HMGXB3: variants seen among roughly 807,000 people sequenced by gnomAD.
HMGXB3 encodes HMG-box containing 3.
In HMGXB3, 45 loss-of-function variants were observed where a neutral mutation model predicts 121.5. The observed-to-expected ratio is 0.37, with a 90% CI of 0.29 to 0.47. The LOEUF (loss-of-function observed/expected upper bound fraction) is 0.47. Among genes scored for constraint, HMGXB3 ranks in the 20% least tolerant of loss-of-function variants. The pLI, the probability that HMGXB3 is intolerant of heterozygous loss-of-function variation, is 0.99. For missense variants in HMGXB3, 1,376 were observed against 1,602.2 expected, an observed-to-expected ratio of 0.86 and a Z score of 2.41; for synonymous variants, 590 against 624.1, an observed-to-expected ratio of 0.95 and a Z score of 0.81.
At chr5:150,015,371 C>T (rs1018975831) in intron 5 of HMGXB3, among the ~76,000 whole-genome samples, 3 of 152,196 alleles carry the variant, frequency 2.0e-5, no homozygotes, top group Non-Finnish European at 4.4e-5. Context: ...TCACTGCATC[C>T]TTGACTTCCT....
chr5:150,038,661 T>C (rs1756554312), intron 13 of HMGXB3, among the ~76,000 whole-genome samples: 1 of 152,242 alleles, frequency 6.6e-6, no homozygotes, highest in African/African-American at 2.4e-5. Flanking sequence ...ATCCATATAG[T>C]GTTCTCTTTC....
At chr5:150,019,172 T>G (rs1264106968) in intron 6 of HMGXB3, among the ~76,000 whole-genome samples, 2 of 152,220 alleles carry the variant, frequency 1.3e-5, no homozygotes, top group Non-Finnish European at 2.9e-5. Context: ...TTTTTTTAAT[T>G]TAACATATCA....
chr5:150,034,046 A>G (rs890294586), intron 11 of HMGXB3, among the ~76,000 whole-genome samples: 4 of 152,144 alleles, frequency 2.6e-5, no homozygotes, highest in African/African-American at 7.2e-5. Flanking sequence ...AGATCTGGGC[A>G]TTTTACTCTT....
intron 3 of HMGXB3, among the ~76,000 whole-genome samples, 177 bp downstream of exon 3, chr5:150,006,824 C>T (rs1186532492): frequency 1.3e-5 from 2 of 152,118 alleles, no homozygotes; most frequent in African/African-American, 2.4e-5. Context: ...CTCTCTTGTC[C>T]TCTTCGGTTG....
intron 1 of HMGXB3, among the ~76,000 whole-genome samples, chr5:150,002,013 GT>G (rs1755583636): frequency 6.6e-6 from 1 of 152,198 alleles, no homozygotes; most frequent in Admixed American, 6.5e-5. Context: ...ACCCAGCCAA[GT>G]TGTAGACTGT....
At chr5:150,042,202 A>G (rs1756651004) in intron 15 of HMGXB3, among the ~76,000 whole-genome samples, 2 of 152,254 alleles carry the variant, frequency 1.3e-5, no homozygotes, top group Non-Finnish European at 2.9e-5. Flanking sequence ...ATAAGTATCA[A>G]AAAATATATA....
rs780088179 is a variant in HMGXB3 at position 150,047,400 on chromosome 5, G to A, written c.2951-224G>A. On this transcript the variant is annotated intron_variant, in intron 16 of 19. Coordinates refer to ENST00000502717, the MANE Select transcript of HMGXB3 (RefSeq NM_014983.3). ...TTATTTTAGGGTTTTTTTCAGTGGC[G>A]GTATGCAGGATATCTCACTCAGATG... 280 of 515,408 alleles carry A rather than the reference G, an allele frequency of 5.4e-4. 1 individual carries two copies. The highest frequency in any genetic ancestry group is 5.9e-4 in the Admixed American group (17 of 29,046). 31.9% of individuals were successfully genotyped at this position (515,408 alleles called of 1,614,324 possible). A position where few individuals can be genotyped will look rare whatever the true frequency, so the allele number is the denominator to read the frequency against.
At chr5:150,037,072 A>G in intron 12 of HMGXB3, 135 bp downstream of exon 12, 1 of 815,910 alleles carries the variant, frequency 1.2e-6, no homozygotes, top group Non-Finnish European at 1.9e-6. Flanking sequence ...TAACTTTCTG[A>G]TTGCTGAAAG....
At chr5:150,003,329 G>C (rs918790776) in intron 1 of HMGXB3, among the ~76,000 whole-genome samples, 3 of 152,132 alleles carry the variant, frequency 2.0e-5, no homozygotes, top group Non-Finnish European at 2.9e-5. Flanking sequence ...ATGGATAGCA[G>C]TGTAGCATAA....
chr5:150,042,436 G>C (rs913223730), intron 15 of HMGXB3, among the ~76,000 whole-genome samples: 7 of 152,164 alleles, frequency 4.6e-5, no homozygotes, highest in East Asian at 1.9e-4. Context: ...GGGCAGTGAG[G>C]GGGGAAGGCC....
Position 150,051,879 on chromosome 5 carries a change from A to G in HMGXB3, c.3566A>G (p.His1189Arg). The G allele has an allele frequency of 1.3e-6, 2 of 1,550,996 alleles. No homozygotes were observed. Among genetic ancestry groups the G allele is most frequent in the Non-Finnish European group, 1.7e-6 (2 of 1,146,980 alleles). Reference protein sequence around the residue: ...PNPGDPSAGHHSLALCPELAP... With the variant: ...PNPGDPSAGHRSLALCPELAP... ...CCTGGTGACCCCAGTGCTGGGCACC[A>G]CTCCTTGGCCCTGTGCCCTGAATTG... is the stretch of plus-strand genomic sequence containing the variant. Residue 1189 changes from histidine (H) to arginine (R), a missense_variant, in exon 20 of 20, where the codon CAC becomes CGC. His to Arg is a conservative substitution (Grantham distance 29, BLOSUM62 0). Transcript: ENST00000502717.
chr5:150,049,846 T>C (rs1224356888), intron 18 of HMGXB3, among the ~76,000 whole-genome samples: 1 of 152,188 alleles, frequency 6.6e-6, no homozygotes, highest in East Asian at 1.9e-4. Context: ...ATACAGATGC[T>C]TAGACCCTAC....
At chr5:150,046,769 G>A (rs963086452) in intron 16 of HMGXB3, among the ~76,000 whole-genome samples, 4 of 151,830 alleles carry the variant, frequency 2.6e-5, no homozygotes, top group Non-Finnish European at 1.5e-5. Context: ...CCGAGATCGC[G>A]CCACTGCACT....
At position 150,010,436 on chromosome 5, in the gene HMGXB3, A is replaced by T; in HGVS notation, c.638A>T (p.Asp213Val). 6.4e-7 allele frequency: 1 copy of T among 1,551,670 alleles called. No homozygotes were observed. The part of the protein sequence containing the change: ...EIATSEILSQ[D>V]VLLEDASLEV... ...GCCACCTCAGAGATCCTCAGCCAGG[A>T]TGTGCTCCTAGAGGACGCTTCCCTA... The change falls in exon 4 of 20, where the codon GAT (aspartate) becomes GTT (valine). Residue 213 changes from aspartate to valine, a missense_variant. By Grantham distance (152) the Asp-to-Val change is radical (BLOSUM62 -3). Around this residue, in one of 2 missense-constraint regions of HMGXB3, gnomAD observed 1,116 missense variants for 1,369.0 expected, o/e 0.82. Coordinates refer to ENST00000502717, the MANE Select transcript of HMGXB3 (RefSeq NM_014983.3).
In HMGXB3 at chr5:150,047,752, T is replaced by G. The variant is rs996994762; in HGVS notation, c.3079T>G (p.Ser1027Ala). Residue 1027 changes from serine to alanine, a missense_variant, in exon 17 of 20, where the codon TCC becomes GCC. By Grantham distance (99) the Ser-to-Ala change is moderately conservative. Transcript: ENST00000502717. ...QCGIPFGAED[S>A]KDQLCFSLLA... ...TGGAATCCCCTTTGGGGCAGAAGACTCCAAGGTGAGTGTCAAGGGCAGTGG... is the reference window on the plus strand; with the variant it reads ...TGGAATCCCCTTTGGGGCAGAAGACGCCAAGGTGAGTGTCAAGGGCAGTGG... 28 of 1,551,622 alleles carry G rather than the reference T, an allele frequency of 1.8e-5. No homozygotes were observed. The highest frequency in any genetic ancestry group is 2.4e-5 in the Non-Finnish European group (27 of 1,146,988).
chr5:150,035,315 C>T (rs1319772538), intron 11 of HMGXB3, among the ~76,000 whole-genome samples: 2 of 152,124 alleles, frequency 1.3e-5, no homozygotes, highest in Admixed American at 6.5e-5. Flanking sequence ...AGCCAGCATG[C>T]ATAGAGATCA....
chr5:150,050,592 G>T, intron 19 of HMGXB3, 131 bp downstream of exon 19: 1 of 669,170 alleles, frequency 1.5e-6, no homozygotes, highest in Non-Finnish European at 2.5e-6. Flanking sequence ...AGCAGTTCTC[G>T]TGCCTCAGCC....
chr5:150,011,602 T>G (rs1485574920), intron 4 of HMGXB3, among the ~76,000 whole-genome samples: 2 of 133,552 alleles, frequency 1.5e-5, no homozygotes, highest in African/African-American at 7.7e-5. Context: ...TGTTTTTTTT[T>G]GGTTTTTTTT....
chr5:150,037,411 G>A lies in HMGXB3; in HGVS notation c.2297G>A (p.Gly766Glu), dbSNP rs1028238211. ...LFKGGQNSLA[G>E]PQECWLLTAS... is the part of the protein sequence containing the mutation. ...GTTTCTGGTACTAGCTCCCTGGCTG[G>A]GCCCCAGGAGTGCTGGCTGCTGACA... is the stretch of plus-strand genomic sequence containing the variant. The change falls in exon 13 of 20, where the codon GGG becomes GAG. Residue 766 changes from glycine (G) to glutamate (E), a missense_variant. Transcript: ENST00000502717. The A allele has an allele frequency of 6.5e-7, 1 of 1,544,820 alleles. No individual in the cohort carries two copies. Among genetic ancestry groups the A allele is most frequent in the Non-Finnish European group, 8.7e-7 (1 of 1,143,818 alleles).
Sources: gnomAD v4.1 joint callset for allele counts (sites outside exome capture counted in the v4.1 genomes callset) on GRCh38, gnomAD v4.1.1 for gene constraint, gnomAD v4.1.1 regional missense constraint, MANE v1.5 for transcripts, NCBI Gene and HGNC (gene_info 2026-07-23, HGNC 2026-07-21) for gene names.